The following GTF2I variants were observed in gnomAD, a reference collection of about 807,000 sequenced individuals.
GTF2I encodes the protein general transcription factor II-I.
A neutral mutation model predicts 67.6 loss-of-function variants in GTF2I; 12 were observed. That is an observed-to-expected ratio of 0.18 (90% confidence interval 0.11 to 0.29). The LOEUF (loss-of-function observed/expected upper bound fraction) is 0.29. Ranked by LOEUF, GTF2I falls within the 10% of genes least tolerant of loss-of-function variation. The probability of loss-of-function intolerance (pLI) is 1.00; values close to 1 mark genes in which losing one functional copy is unlikely to be tolerated. For synonymous variants in GTF2I, 149 were observed against 197.0 expected, an observed-to-expected ratio of 0.76 and a Z score of 2.04; for missense variants, 271 against 580.1, an observed-to-expected ratio of 0.47 and a Z score of 5.47.
intron 1 of GTF2I, among the ~76,000 whole-genome samples, chr7:74,686,953 G>A (rs587755760): frequency 6.6e-6 from 1 of 151,494 alleles, no homozygotes; most frequent in Admixed American, 6.6e-5. Context: ...GCTGTGGCGT[G>A]ATTTTGGCTC....
At chr7:74,690,831 GT>G in intron 2 of GTF2I, 141 bp from the exon 3 acceptor site, 3 of 736,020 alleles carry the variant, frequency 4.1e-6, no homozygotes, top group Non-Finnish European at 4.6e-6. Flanking sequence ...ATTCTGTGTT[GT>G]CTTTTGTTTA....
At chr7:74,678,751 A>G (rs1186244456) in intron 1 of GTF2I, among the ~76,000 whole-genome samples, 2 of 152,120 alleles carry the variant, frequency 1.3e-5, no homozygotes, top group Non-Finnish European at 2.9e-5. Flanking sequence ...GTTCACCTAG[A>G]TAATCGGTCT....
chr7:74,684,700 C>T (rs1787544871), intron 1 of GTF2I: 1 of 152,234 alleles, frequency 6.6e-6, no homozygotes, highest in Admixed American at 6.5e-5. Context: ...GTGGGTCGCC[C>T]TTGGGGTGCT....
chr7:74,713,904 A>T (rs1791935897), intron 9 of GTF2I, among the ~76,000 whole-genome samples: 1 of 152,108 alleles, frequency 6.6e-6, no homozygotes, highest in Non-Finnish European at 1.5e-5. Flanking sequence ...CTTCTTTGAG[A>T]TTCCAAATAG....
At chr7:74,688,572 T>C (rs1189986274) in intron 1 of GTF2I, among the ~76,000 whole-genome samples, 1 of 152,220 alleles carries the variant, frequency 6.6e-6, no homozygotes, top group Non-Finnish European at 1.5e-5. Context: ...TTCTCCTGCC[T>C]CAGCCTCCCA....
At chr7:74,734,013 A>T (rs1794693199) in intron 16 of GTF2I, 32 bp downstream of exon 16, 4 of 1,425,334 alleles carry the variant, frequency 2.8e-6, no homozygotes, top group Non-Finnish European at 3.9e-6. Flanking sequence ...AGATCAGAAG[A>T]TTATGTGCAA....
intron 14 of GTF2I, among the ~76,000 whole-genome samples, chr7:74,730,746 G>A (rs1377926795): frequency 3.6e-5 from 3 of 82,642 alleles, no homozygotes; most frequent in Non-Finnish European, 6.5e-5. Flanking sequence ...TTTTTGAGAC[G>A]GAGTCTCTGC....
chr7:74,712,487 A>AGTGTGTGTGTGT (rs142200093), intron 9 of GTF2I, among the ~76,000 whole-genome samples: 3 of 131,762 alleles, frequency 2.3e-5, no homozygotes, highest in African/African-American at 8.3e-5. Context: ...TTCTCCCGGG[A>AGTGTGTGTGTGT]GTGTGTGTGT....
intron 1 of GTF2I, among the ~76,000 whole-genome samples, chr7:74,682,741 A>G (rs1554394433): frequency 6.6e-6 from 1 of 152,230 alleles, no homozygotes; most frequent in South Asian, 2.1e-4. Flanking sequence ...ATAGTCCTGC[A>G]AAAACTTGAG....
In GTF2I at chr7:74,705,345, A is replaced by G. The variant is rs782771927; in HGVS notation, c.641+127A>G. ...ACATCTTAAAGTTTAATAGGCAAGG[A>G]TATCATTTGGGGATCTTGTGAACAT... On this transcript the variant is annotated intron_variant, in intron 7 of 34. Coordinates refer to ENST00000573035, the MANE Select transcript of GTF2I (RefSeq NM_032999.4). 47 of 665,298 alleles carry G rather than the reference A, an allele frequency of 7.1e-5. No individual in the cohort carries two copies. In the African/African-American group the frequency reaches 7.6e-4, roughly 11 times the overall value. 41.2% of individuals were successfully genotyped at this position (665,298 alleles called of 1,614,324 possible).
intron 3 of GTF2I, among the ~76,000 whole-genome samples, chr7:74,697,068 T>C (rs1231344768): frequency 2.0e-5 from 3 of 152,158 alleles, no homozygotes; most frequent in African/African-American, 4.8e-5. Flanking sequence ...CTTTAACTTA[T>C]TATATCTAAA....
intron 1 of GTF2I, among the ~76,000 whole-genome samples, chr7:74,667,690 T>A (rs1407001529): frequency 3.3e-5 from 5 of 151,698 alleles, no homozygotes; most frequent in Non-Finnish European, 7.4e-5. Context: ...TTGATTTTTT[T>A]ATTTTTTGTG....
rs11439887 is a variant in GTF2I at position 74,705,553 on chromosome 7, CTTTT to C, written c.641+347_641+350del. On this transcript the variant is annotated intron_variant, in intron 7 of 34. Transcript: ENST00000573035. ...AAAGTACTAAGTTCAGTTGGTAACT[CTTTT>C]TTTTTTTTTTTATTTTTGAGATGGA... Among the ~76,000 whole-genome samples, 31 of 141,456 alleles carry C rather than the reference CTTTT, an allele frequency of 2.2e-4. No individual in the cohort carries two copies. In the East Asian group the frequency reaches 5.2e-3, roughly 24 times the overall value. 92.8% of individuals were successfully genotyped at this position (141,456 alleles called of 152,430 possible).
Position 74,706,380 on chromosome 7 carries a change from C to T in GTF2I, c.642-10C>T. On this transcript the variant is annotated splice_polypyrimidine_tract_variant and intron_variant, in intron 7 of 34. Transcript: ENST00000573035. ...CACGTGGCTTGATCAGGGCTTTCTT[C>T]TCCTTGCAGTTGTGGCCCCATCAAA... is the stretch of plus-strand genomic sequence containing the variant. 3 of 1,613,008 alleles carry T rather than the reference C, an allele frequency of 1.9e-6. No homozygotes were observed. The South Asian group carries it at 3.3e-5, about 18-fold the overall frequency.
intron 1 of GTF2I, among the ~76,000 whole-genome samples, chr7:74,658,416 G>A (rs1451047013): frequency 1.4e-5 from 2 of 145,548 alleles, no homozygotes; most frequent in African/African-American, 4.9e-5. Context: ...GTGCGGTGGG[G>A]GGGCGCCTCG....
At chr7:74,726,862 T>C (rs1793858856) in intron 12 of GTF2I, 3 of 150,210 alleles carry the variant, frequency 2.0e-5, no homozygotes, top group Non-Finnish European at 3.0e-5. Context: ...GATAGATAGA[T>C]AGATAGATAG....
intron 10 of GTF2I, among the ~76,000 whole-genome samples, chr7:74,715,405 CT>C (rs1792136201): frequency 1.3e-5 from 2 of 151,972 alleles, no homozygotes; most frequent in Non-Finnish European, 2.9e-5. Context: ...TCTATTCTGG[CT>C]TTGAGTGCAT....
chr7:74,689,652 C>A (rs1788082382), intron 2 of GTF2I, among the ~76,000 whole-genome samples: 2 of 151,810 alleles, frequency 1.3e-5, no homozygotes, highest in African/African-American at 4.8e-5. Context: ...CTGCCCCAAC[C>A]AATGAGTAGT....
In GTF2I at chr7:74,698,948, A is replaced by G. The variant is rs781865877; in HGVS notation, c.239-13A>G. 5.4e-5 allele frequency: 66 copies of G among 1,228,532 alleles called. No individual in the cohort carries two copies. Among genetic ancestry groups the G allele is most frequent in the Middle Eastern group, 2.4e-4 (1 of 4,142 alleles). 76.1% of individuals were successfully genotyped at this position (1,228,532 alleles called of 1,614,324 possible). On this transcript the variant is annotated splice_polypyrimidine_tract_variant and intron_variant, in intron 3 of 34. Coordinates refer to ENST00000573035, the MANE Select transcript of GTF2I (RefSeq NM_032999.4). ...TTATTATTTTTTTATTTTATTTTTT[A>G]TTTTTTTTACAGGTGTTGAAGAAGA...
Sources: gnomAD v4.1 joint callset for allele counts (sites outside exome capture counted in the v4.1 genomes callset) on GRCh38, gnomAD v4.1.1 for gene constraint, MANE v1.5 for transcripts, NCBI Gene and HGNC (gene_info 2026-07-23, HGNC 2026-07-21) for gene names.